The following FRS2 variants were observed in gnomAD, a reference collection of about 807,000 sequenced individuals.
FRS2 encodes fibroblast growth factor receptor substrate 2, also known as FGFR signalling adaptor.
A neutral mutation model predicts 43.9 loss-of-function variants in FRS2; 8 were observed. The observed-to-expected ratio is 0.18, with a 90% CI of 0.11 to 0.33. The LOEUF (loss-of-function observed/expected upper bound fraction) is 0.33, where lower values mean the gene tolerates loss of function less well. FRS2 is among the 10% of genes least tolerant of loss of function. The probability of loss-of-function intolerance (pLI) is 1.00; values close to 1 mark genes in which losing one functional copy is unlikely to be tolerated. For synonymous variants in FRS2, 219 were observed against 220.3 expected, an observed-to-expected ratio of 0.99 and a Z score of 0.05; for missense variants, 534 against 627.6, an observed-to-expected ratio of 0.85 and a Z score of 1.59.
intron 3 of FRS2, among the ~76,000 whole-genome samples, chr12:69,549,047 C>G (rs994418351): frequency 6.6e-6 from 1 of 152,132 alleles, no homozygotes; most frequent in African/African-American, 2.4e-5. Context: ...CAAACAAATA[C>G]ACTTATGTGC....
intron 3 of FRS2, among the ~76,000 whole-genome samples, chr12:69,532,355 C>T (rs949273735): frequency 6.6e-5 from 10 of 152,116 alleles, no homozygotes; most frequent in African/African-American, 2.4e-4. Flanking sequence ...AAAGTTCTTC[C>T]ATTGGGGCTC....
At chr12:69,480,429 G>A (rs1364395055) in intron 1 of FRS2, 1 of 152,150 alleles carries the variant, frequency 6.6e-6, no homozygotes, top group African/African-American at 2.4e-5. Context: ...TTCTAGGTTA[G>A]TCTATGTTAT....
chr12:69,514,438 C>T (rs2135584339), intron 1 of FRS2, among the ~76,000 whole-genome samples: 1 of 152,312 alleles, frequency 6.6e-6, no homozygotes, highest in Middle Eastern at 3.4e-3. Flanking sequence ...TCTGCTTCTG[C>T]TCACTAATTC....
At position 69,544,704 on chromosome 12, in the gene FRS2, C is replaced by T. The variant is rs1425681846; in HGVS notation, c.-122+12648C>T. On this transcript the variant is annotated intron_variant, in intron 3 of 8. Transcript: ENST00000549921. ...CCTGGGTGACAGCAAGACTCCATCT[C>T]GGAAAAAAAATTAATAATAAATAAA... 7.3e-5 allele frequency among the ~76,000 whole-genome samples: 11 copies of T among 150,998 alleles called. No individual in the cohort carries two copies. In the East Asian group the frequency reaches 1.2e-3, roughly 16 times the overall value.
rs35353764 is a variant in FRS2 at position 69,552,302 on chromosome 12, CAAAAAAAA to C, written c.-121-9860_-121-9853del. Among the ~76,000 whole-genome samples, 15 of 51,380 alleles carry C rather than the reference CAAAAAAAA, an allele frequency of 2.9e-4. No homozygotes were observed. In the East Asian group the frequency reaches 3.1e-3, roughly 11 times the overall value. The allele number at this position is 51,380 out of a possible 152,430, so 33.7% of individuals were successfully genotyped here. A position where few individuals can be genotyped will look rare whatever the true frequency, so the allele number is the denominator to read the frequency against. ...GGGCAACAAGAGCGAAACTCCGTCT[CAAAAAAAA>C]AAAAAAAAAAAAAAAAATCATGTCT... On this transcript the variant is annotated intron_variant, in intron 3 of 8. Coordinates refer to ENST00000549921, the MANE Select transcript of FRS2 (RefSeq NM_001278356.2).
At chr12:69,566,708 A>G (rs868052299) in intron 4 of FRS2, among the ~76,000 whole-genome samples, 64 of 152,216 alleles carry the variant, frequency 4.2e-4, no homozygotes, top group Admixed American at 2.6e-3. Flanking sequence ...AAGAGATCAC[A>G]GCAAAGTGGA....
chr12:69,561,702 T>A (rs1308157297), intron 3 of FRS2, among the ~76,000 whole-genome samples: 2 of 152,162 alleles, frequency 1.3e-5, no homozygotes, highest in East Asian at 1.9e-4. Context: ...TCTTGTGGAA[T>A]AGGAAGATAT....
In FRS2 at chr12:69,557,618, G is replaced by GCGCA. The variant is rs770677347; in HGVS notation, c.-121-4562_-121-4561insCGCA. On this transcript the variant is annotated intron_variant, in intron 3 of 8. Coordinates refer to ENST00000549921, the MANE Select transcript of FRS2 (RefSeq NM_001278356.2). ...ATTGTGTGTGTGTGTGTGTGTGTGTGTGCGCGCGCGCGCGCGCGCAGGTGC... is the reference window on the plus strand; with the variant it reads ...ATTGTGTGTGTGTGTGTGTGTGTGTGCGCATGCGCGCGCGCGCGCGCGCAGGTGC... 4.1e-3 allele frequency among the ~76,000 whole-genome samples: 514 copies of GCGCA among 126,646 alleles called. 2 individuals are homozygous for GCGCA. The highest frequency in any genetic ancestry group is 0.017 in the South Asian group (55 of 3,202). 83.1% of individuals were successfully genotyped at this position (126,646 alleles called of 152,430 possible). A position where few individuals can be genotyped will look rare whatever the true frequency, so the allele number is the denominator to read the frequency against.
At chr12:69,536,267 T>G (rs1593009079) in intron 3 of FRS2, among the ~76,000 whole-genome samples, 1 of 151,428 alleles carries the variant, frequency 6.6e-6, no homozygotes. Flanking sequence ...TGGGATTACG[T>G]GTGTGCACCA....
At chr12:69,531,355 A>G (rs1033321606) in intron 2 of FRS2, among the ~76,000 whole-genome samples, 4 of 151,950 alleles carry the variant, frequency 2.6e-5, no homozygotes, top group Non-Finnish European at 5.9e-5. Flanking sequence ...AAAGGTAGAC[A>G]TTAAAGTTAC....
chr12:69,476,694 A>C (rs1024635983), intron 1 of FRS2, among the ~76,000 whole-genome samples: 1 of 132,164 alleles, frequency 7.6e-6, no homozygotes, highest in African/African-American at 2.9e-5. Flanking sequence ...AGTTGTCTAG[A>C]TGAGGAGCTT....
chr12:69,493,048 A>G (rs929151999), intron 1 of FRS2, among the ~76,000 whole-genome samples: 3 of 152,250 alleles, frequency 2.0e-5, no homozygotes, highest in Admixed American at 6.5e-5. Flanking sequence ...ATATTAAGAT[A>G]CCAAGCAAAA....
At chr12:69,556,684 A>T (rs1045973209) in intron 3 of FRS2, among the ~76,000 whole-genome samples, 9 of 152,232 alleles carry the variant, frequency 5.9e-5, no homozygotes, top group African/African-American at 2.2e-4. Context: ...AGTATCATAT[A>T]TAAAAAGTGA....
intron 1 of FRS2, among the ~76,000 whole-genome samples, chr12:69,511,960 G>A (rs73140582): frequency 0.19 from 29,182 of 152,096 alleles, 2,967 homozygotes; most frequent in Middle Eastern, 0.29. Flanking sequence ...GTCTCAACCA[G>A]GGATGACAGT....
intron 1 of FRS2, among the ~76,000 whole-genome samples, chr12:69,495,353 A>G (rs1872782439): frequency 1.3e-5 from 2 of 152,220 alleles, no homozygotes; most frequent in Admixed American, 6.5e-5. Flanking sequence ...AACTTGTACT[A>G]TACATGGAAT....
intron 1 of FRS2, among the ~76,000 whole-genome samples, chr12:69,481,060 G>C (rs1470292907): frequency 6.6e-6 from 1 of 152,140 alleles, no homozygotes; most frequent in Non-Finnish European, 1.5e-5. Flanking sequence ...AAACTTACAG[G>C]AAAGTTGCAA....
intron 1 of FRS2, among the ~76,000 whole-genome samples, chr12:69,506,154 G>C (rs1275441357): frequency 6.6e-6 from 1 of 152,072 alleles, no homozygotes; most frequent in Non-Finnish European, 1.5e-5. Flanking sequence ...ATAAATTTCT[G>C]TTCATGGGGA....
At position 69,499,295 on chromosome 12, in the gene FRS2, A is replaced by T. The variant is rs1165930036; in HGVS notation, c.-261+28765A>T. 2.6e-5 allele frequency among the ~76,000 whole-genome samples: 4 copies of T among 152,190 alleles called. No homozygotes were observed. In the East Asian group the frequency reaches 7.7e-4, roughly 29 times the overall value. On this transcript the variant is annotated intron_variant, in intron 1 of 8. Transcript: ENST00000549921. ...TTTAGAGGACAGACAGGAGGATTTA[A>T]AGAGAGTTGAACTAGGATGCTTGAA...
chr12:69,538,223 A>ATATATATATATATATATG (rs1194377826), intron 3 of FRS2, among the ~76,000 whole-genome samples: 50 of 100,142 alleles, frequency 5.0e-4, no homozygotes, highest in African/African-American at 2.0e-3. Flanking sequence ...ATATATATAT[A>ATATATATATATATATATG]GCATTGCAGA....
Sources: gnomAD v4.1 joint callset for allele counts (sites outside exome capture counted in the v4.1 genomes callset) on GRCh38, gnomAD v4.1.1 for gene constraint, MANE v1.5 for transcripts, NCBI Gene and HGNC (gene_info 2026-07-23, HGNC 2026-07-21) for gene names.